The following SYNE3 variants were observed in gnomAD, a reference collection of about 807,000 sequenced individuals.
SYNE3 encodes the protein spectrin repeat containing nuclear envelope family member 3.
A neutral mutation model predicts 111.2 loss-of-function variants in SYNE3; 100 were observed. That is an observed-to-expected ratio of 0.90 (90% CI 0.77 to 1.06). SYNE3 has a LOEUF of 1.06. Among genes scored for constraint, SYNE3 ranks in the 50% least tolerant of loss-of-function variants. SYNE3 has a pLI of 0.00. For synonymous variants in SYNE3, 547 were observed against 533.9 expected, an observed-to-expected ratio of 1.02 and a Z score of -0.34; for missense variants, 1,160 against 1,240.3, an observed-to-expected ratio of 0.94 and a Z score of 0.97.
At position 95,409,001 on chromosome 14, in the gene SYNE3, T is replaced by C. The variant is rs1903359259; in HGVS notation, c.*8825A>G. On this transcript the variant is annotated 3_prime_UTR_variant, in exon 18 of 18. Transcript: ENST00000682763. ...CTTCAGCGGTGGGAGTCAACGGACT[T>C]CCCCGCAGGAGTGGGCACAGGAGGA... is the stretch of plus-strand genomic sequence containing the variant. 5.3e-6 allele frequency: 2 copies of C among 376,238 alleles called. No individual in the cohort carries two copies. Among genetic ancestry groups the C allele is most frequent in the Admixed American group, 6.2e-5 (2 of 32,040 alleles). The allele number at this position is 376,238 out of a possible 1,614,324, so 23.3% of individuals were successfully genotyped here. A position where few individuals can be genotyped will look rare whatever the true frequency, so the allele number is the denominator to read the frequency against.
intron 15 of SYNE3, among the ~76,000 whole-genome samples, chr14:95,436,509 CATAG>C (rs1207796523): frequency 2.6e-5 from 4 of 152,124 alleles, no homozygotes; most frequent in Admixed American, 6.6e-5. Flanking sequence ...GGGTTAAATA[CATAG>C]TTATTGTTAT....
At chr14:95,467,487 A>G (rs745530560) in intron 3 of SYNE3, among the ~76,000 whole-genome samples, 1 of 139,072 alleles carries the variant, frequency 7.2e-6, no homozygotes, top group Non-Finnish European at 1.6e-5. Context: ...GACTCTGGCT[A>G]CAGTGCTAGC....
At chr14:95,466,595 T>C (rs1271183570) in intron 3 of SYNE3, among the ~76,000 whole-genome samples, 1 of 152,198 alleles carries the variant, frequency 6.6e-6, no homozygotes, top group East Asian at 1.9e-4. Flanking sequence ...CCACTGTCAA[T>C]GCACAGACAC....
chr14:95,457,252 C>G lies in SYNE3; in HGVS notation c.714G>C (p.Ala238=), dbSNP rs757986933. ...GGCAGCCATTCACCTTCTCCACCAC[C>G]GCCTTCAGCCACAGTTGGAACTCGT... ...GVDEFQLWLK[A]VVEKVNGCLG... is the part of the protein sequence containing the mutation. Residue 238 remains alanine (A), a synonymous_variant, in exon 5 of 18, where the codon GCG becomes GCC. Transcript: ENST00000682763. 18 of 1,614,046 alleles carry G rather than the reference C, an allele frequency of 1.1e-5. No individual in the cohort carries two copies. The highest frequency in any genetic ancestry group is 1.0e-4 in the Admixed American group (6 of 59,998).
At chr14:95,458,764 G>A (rs745491207) in intron 4 of SYNE3, among the ~76,000 whole-genome samples, 165 of 152,192 alleles carry the variant, frequency 1.1e-3, no homozygotes, top group Non-Finnish European at 1.2e-3. Context: ...CTCAGGGCAC[G>A]CCCTGTGAAC....
At chr14:95,512,496 G>GTGAGC (rs1890756985) in intron 1 of SYNE3, among the ~76,000 whole-genome samples, 1 of 152,222 alleles carries the variant, frequency 6.6e-6, no homozygotes, top group Admixed American at 6.5e-5. Flanking sequence ...GGAGGTTGCT[G>GTGAGC]TGAGCTGAGA....
chr14:95,480,784 G>A (rs1889194729), intron 1 of SYNE3, among the ~76,000 whole-genome samples: 1 of 152,192 alleles, frequency 6.6e-6, no homozygotes, highest in Non-Finnish European at 1.5e-5. Context: ...GCCAGCCATG[G>A]AAGAGAAGGT....
At position 95,439,980 on chromosome 14, in the gene SYNE3, T is replaced by C; in HGVS notation, c.2007A>G (p.Gln669=). The C allele has an allele frequency of 6.2e-7, 1 of 1,613,992 alleles. No homozygotes were observed. Among genetic ancestry groups the C allele is most frequent in the Non-Finnish European group, 8.5e-7 (1 of 1,180,034 alleles). The change falls in exon 12 of 18, where the codon CAA becomes CAG. Residue 669 remains glutamine, a synonymous_variant. Transcript: ENST00000682763. The part of the protein sequence containing the change: ...ELRQWIVVTT[Q]KLEAHRGEAG... Reference sequence around the variant, plus strand: ...CCTCTCCCCGGTGTGCCTCCAGCTTTTGCGTGGTCACAACGATCCACTGCC... The same window carrying C: ...CCTCTCCCCGGTGTGCCTCCAGCTTCTGCGTGGTCACAACGATCCACTGCC...
At chr14:95,452,764 G>A (rs914880160) in intron 6 of SYNE3, among the ~76,000 whole-genome samples, 3 of 152,204 alleles carry the variant, frequency 2.0e-5, no homozygotes, top group South Asian at 2.1e-4. Context: ...GCTAGTCTCC[G>A]TGTCCCAATG....
intron 4 of SYNE3, among the ~76,000 whole-genome samples, chr14:95,460,366 A>AG (rs1887714277): frequency 1.2e-5 from 1 of 83,150 alleles, no homozygotes; most frequent in Non-Finnish European, 2.1e-5. Flanking sequence ...CACGATGCCT[A>AG]GTTTTTTTTT....
chr14:95,488,946 G>A (rs545361821), intron 1 of SYNE3, among the ~76,000 whole-genome samples: 138 of 152,222 alleles, frequency 9.1e-4, no homozygotes, highest in South Asian at 2.7e-3. Flanking sequence ...GGTGTAGGAC[G>A]GCCTAACTGA....
chr14:95,515,708 T>G (rs1232328159), intron 1 of SYNE3, among the ~76,000 whole-genome samples: 2 of 152,032 alleles, frequency 1.3e-5, no homozygotes, highest in Non-Finnish European at 2.9e-5. Flanking sequence ...GGGATAAGGG[T>G]GACCCTTCAG....
Position 95,467,892 on chromosome 14 carries a change from A to G in SYNE3, c.220T>C (p.Cys74Arg). The G allele has an allele frequency of 2.5e-6, 4 of 1,614,236 alleles. No individual in the cohort carries two copies. Among genetic ancestry groups the G allele is most frequent in the South Asian group, 1.1e-5 (1 of 91,088 alleles). ...VLRMAEALLA[C>R]CPGDQKPGIL... ...CCGGGCTTCTGGTCCCCAGGGCAGC[A>G]TGCCAAGAGGGCTTCAGCCATCCGT... Residue 74 changes from cysteine to arginine, a missense_variant, in exon 3 of 18, where the codon TGC (cysteine) becomes CGC (arginine). Coordinates refer to ENST00000682763, the MANE Select transcript of SYNE3 (RefSeq NM_152592.6).
chr14:95,428,904 G>A (rs759402145), intron 17 of SYNE3, among the ~76,000 whole-genome samples: 13 of 152,328 alleles, frequency 8.5e-5, no homozygotes, highest in Non-Finnish European at 1.5e-4. Flanking sequence ...AAAGTGTGGA[G>A]AACCAACTGC....
chr14:95,409,270 C>G lies in SYNE3; in HGVS notation c.*8556G>C, dbSNP rs1437843215. The G allele has an allele frequency of 8.8e-6, 4 of 456,778 alleles. No individual in the cohort carries two copies. The highest frequency in any genetic ancestry group is 1.8e-5 in the Non-Finnish European group (4 of 226,978). The allele number at this position is 456,778 out of a possible 1,614,324, so 28.3% of individuals were successfully genotyped here. ...CCCTCTCCACACTCTGGTTTCTGAT[C>G]ATGACTCCATAGCACAGGCTTTTTG... On this transcript the variant is annotated 3_prime_UTR_variant, in exon 18 of 18. Coordinates refer to ENST00000682763, the MANE Select transcript of SYNE3 (RefSeq NM_152592.6).
rs777268164 is a variant in SYNE3, at chr14:95,452,232, G to A, written c.1274+15C>T. ...GCACACCCTGAGTCCCACCACCCTT[G>A]GCCTTCCCAGATACCTCTGATACTC... On this transcript the variant is annotated intron_variant, in intron 7 of 17. Coordinates refer to ENST00000682763, the MANE Select transcript of SYNE3 (RefSeq NM_152592.6). The A allele has an allele frequency of 1.9e-6, 3 of 1,581,596 alleles. No homozygotes were observed. Among genetic ancestry groups the A allele is most frequent in the Non-Finnish European group, 2.6e-6 (3 of 1,157,470 alleles).
intron 8 of SYNE3, chr14:95,449,526 C>T (rs1393035094): frequency 2.0e-6 from 2 of 985,376 alleles, no homozygotes; most frequent in Non-Finnish European, 2.4e-6. Flanking sequence ...GTCCTGGTGA[C>T]ACCACTGAGC....
rs1386382447 is a variant in SYNE3, at chr14:95,452,236, T to C, written c.1274+11A>G. On this transcript the variant is annotated intron_variant, in intron 7 of 17. Transcript: ENST00000682763. ...ACCCTGAGTCCCACCACCCTTGGCC[T>C]TCCCAGATACCTCTGATACTCCTGG... is the stretch of plus-strand genomic sequence containing the variant. The C allele has an allele frequency of 1.3e-6, 2 of 1,583,658 alleles. No homozygotes were observed. The highest frequency in any genetic ancestry group is 1.7e-6 in the Non-Finnish European group (2 of 1,158,648).
At chr14:95,481,205 T>C (rs1889230944) in intron 1 of SYNE3, among the ~76,000 whole-genome samples, 2 of 152,204 alleles carry the variant, frequency 1.3e-5, no homozygotes, top group Non-Finnish European at 2.9e-5. Context: ...AACCTTGTTC[T>C]ATTGGATTCT....
Sources: gnomAD v4.1 joint callset for allele counts (sites outside exome capture counted in the v4.1 genomes callset) on GRCh38, gnomAD v4.1.1 for gene constraint, MANE v1.5 for transcripts, NCBI Gene and HGNC (gene_info 2026-07-23, HGNC 2026-07-21) for gene names.